SLX4IP: variants seen among roughly 807,000 people sequenced by gnomAD.
SLX4IP encodes SLX4 interacting protein.
SLX4IP carries 34 observed loss-of-function variants against 32.9 expected under a neutral mutation model. The ratio of observed to expected loss-of-function variants is 1.03; its 90% CI spans 0.79 to 1.38. The LOEUF (loss-of-function observed/expected upper bound fraction) is 1.38. Among genes scored for constraint, SLX4IP ranks in the 40% most tolerant of loss-of-function variants. The pLI is 0.00. For missense variants in SLX4IP, 444 were observed against 479.0 expected (o/e 0.93, Z 0.68); for synonymous variants, 172 against 171.7 (o/e 1.00, Z -0.01).
intron 6 of SLX4IP, among the ~76,000 whole-genome samples, chr20:10,612,491 A>G (rs1292976539): frequency 6.6e-6 from 1 of 152,180 alleles, no homozygotes; most frequent in Non-Finnish European, 1.5e-5. Context: ...CCCTAAGACT[A>G]TGTTTTGTAA....
intron 1 of SLX4IP, among the ~76,000 whole-genome samples, chr20:10,436,601 C>A (rs1013033869): frequency 6.6e-6 from 1 of 152,196 alleles, no homozygotes; most frequent in African/African-American, 2.4e-5. Context: ...GGTGATCCAC[C>A]CGCCTTGGCC....
chr20:10,457,105 G>A (rs2065291510), intron 1 of SLX4IP, among the ~76,000 whole-genome samples: 2 of 152,030 alleles, frequency 1.3e-5, no homozygotes, highest in Admixed American at 1.3e-4. Context: ...AATTCTAGTA[G>A]TTTTTTGATG....
At chr20:10,443,838 AGT>A (rs2065178142) in intron 1 of SLX4IP, among the ~76,000 whole-genome samples, 1 of 152,114 alleles carries the variant, frequency 6.6e-6, no homozygotes, top group Non-Finnish European at 1.5e-5. Flanking sequence ...GTTGTTTAAA[AGT>A]GTATAGTACC....
intron 2 of SLX4IP, among the ~76,000 whole-genome samples, chr20:10,482,188 G>C (rs1363728245): frequency 6.6e-6 from 1 of 152,070 alleles, no homozygotes; most frequent in Non-Finnish European, 1.5e-5. Context: ...TAAAACTTTG[G>C]GTTCTCGATT....
Position 10,598,673 on chromosome 20 carries a change from A to T in SLX4IP, c.239-2A>T. ...TTAGTGATGTTCCCTTTCACTTTCC[A>T]GGTTATGGCTTTCAAATCACAGCCT... On this transcript the variant is annotated splice_acceptor_variant, in intron 4 of 7. Coordinates refer to ENST00000334534, the MANE Select transcript of SLX4IP (RefSeq NM_001009608.3). LOFTEE classifies it high-confidence loss of function. 2.5e-6 allele frequency: 4 copies of T among 1,614,030 alleles called. No individual in the cohort carries two copies. The highest frequency in any genetic ancestry group is 3.4e-6 in the Non-Finnish European group (4 of 1,179,894).
intron 6 of SLX4IP, among the ~76,000 whole-genome samples, chr20:10,615,161 A>C (rs753346293): frequency 1.3e-5 from 2 of 152,118 alleles, no homozygotes; most frequent in African/African-American, 4.8e-5. Flanking sequence ...GTCTGCCTTC[A>C]TACTGGAGAA....
rs1200433608 is a variant in SLX4IP at position 10,435,393 on chromosome 20, A to T, written c.-90A>T. On this transcript the variant is annotated 5_prime_UTR_variant, in exon 1 of 8. Transcript: ENST00000334534. ...TTCCACAGCCAGGTACTACTCCGCC[A>T]GTGACCCTGGACAGTAACAAAACAT... 2.6e-5 allele frequency: 4 copies of T among 152,272 alleles called. No homozygotes were observed. Among genetic ancestry groups the T allele is most frequent in the Admixed American group, 2.6e-4 (4 of 15,274 alleles). 9.4% of individuals were successfully genotyped at this position (152,272 alleles called of 1,614,324 possible). A position where few individuals can be genotyped will look rare whatever the true frequency, so the allele number is the denominator to read the frequency against.
chr20:10,510,329 G>T (rs1216458955), intron 2 of SLX4IP, among the ~76,000 whole-genome samples: 2 of 152,138 alleles, frequency 1.3e-5, no homozygotes, highest in Non-Finnish European at 2.9e-5. Context: ...CTGAACAAAT[G>T]ATCCCCAAGC....
chr20:10,586,157 C>CT (rs1315552481), intron 4 of SLX4IP, among the ~76,000 whole-genome samples: 1 of 152,146 alleles, frequency 6.6e-6, no homozygotes, highest in Non-Finnish European at 1.5e-5. Flanking sequence ...AGTCCTATGG[C>CT]TACTGATGAT....
chr20:10,530,607 A>C (rs538924822), intron 2 of SLX4IP, among the ~76,000 whole-genome samples: 8 of 152,362 alleles, frequency 5.3e-5, no homozygotes, highest in Non-Finnish European at 1.0e-4. Flanking sequence ...AGTTTTGATT[A>C]AAATGGGAAT....
At chr20:10,509,538 G>A (rs911076434) in intron 2 of SLX4IP, among the ~76,000 whole-genome samples, 2 of 152,154 alleles carry the variant, frequency 1.3e-5, no homozygotes, top group Non-Finnish European at 2.9e-5. Context: ...GTAGGATATC[G>A]CCTTGATACA....
chr20:10,526,679 G>A (rs2065942822), intron 2 of SLX4IP, among the ~76,000 whole-genome samples: 1 of 152,110 alleles, frequency 6.6e-6, no homozygotes, highest in Non-Finnish European at 1.5e-5. Flanking sequence ...GGCTGGGCAC[G>A]GTGGCTCATG....
At position 10,456,591 on chromosome 20, in the gene SLX4IP, C is replaced by T. The variant is rs6108585; in HGVS notation, c.-29-1585C>T. Among the ~76,000 whole-genome samples the T allele has an allele frequency of 8.7e-3, 1,318 of 152,302 alleles. 24 individuals are homozygous for T. Among genetic ancestry groups the T allele is most frequent in the African/African-American group, 0.03 (1,248 of 41,554 alleles). On this transcript the variant is annotated intron_variant, in intron 1 of 7. Transcript: ENST00000334534. ...TCCTGACCTCGTGATCTACCCGCCT[C>T]GGCCTCCCAAAGTGCTGAGATTAAC...
intron 6 of SLX4IP, among the ~76,000 whole-genome samples, chr20:10,616,434 A>G (rs2067032318): frequency 6.7e-6 from 1 of 149,848 alleles, no homozygotes; most frequent in Admixed American, 6.6e-5. Context: ...AAATAAATAA[A>G]ATGTCAAGTC....
chr20:10,484,150 C>T (rs1333802260), intron 2 of SLX4IP, among the ~76,000 whole-genome samples: 1 of 152,088 alleles, frequency 6.6e-6, no homozygotes, highest in Non-Finnish European at 1.5e-5. Context: ...GTGCTTTTCT[C>T]TCGTTAATTT....
At chr20:10,459,194 T>A (rs1258900644) in intron 2 of SLX4IP, among the ~76,000 whole-genome samples, 1 of 152,248 alleles carries the variant, frequency 6.6e-6, no homozygotes, top group Non-Finnish European at 1.5e-5. Context: ...CTTTGCCTAC[T>A]TTTTAATGGC....
At chr20:10,518,549 C>CCTTT (rs1555811136) in intron 2 of SLX4IP, among the ~76,000 whole-genome samples, 4,335 of 52,670 alleles carry the variant, frequency 0.082, 1,065 homozygotes, top group Admixed American at 0.13. Flanking sequence ...TTCCTTCCTT[C>CCTTT]CTTTCCTTCT....
At chr20:10,445,624 G>T (rs891723131) in intron 1 of SLX4IP, among the ~76,000 whole-genome samples, 1 of 138,470 alleles carries the variant, frequency 7.2e-6, no homozygotes, top group East Asian at 2.2e-4. Context: ...CGATGAGATT[G>T]CCCTTTTTTT....
intron 2 of SLX4IP, among the ~76,000 whole-genome samples, chr20:10,523,580 G>T (rs992824295): frequency 3.9e-5 from 6 of 152,194 alleles, no homozygotes; most frequent in Admixed American, 3.3e-4. Context: ...TCTAAAATGA[G>T]ACTGTAAGCA....
Sources: allele counts gnomAD v4.1 joint callset (sites outside exome capture counted in the v4.1 genomes callset), GRCh38; gene constraint gnomAD v4.1.1; transcripts MANE v1.5; gene names NCBI Gene and HGNC (gene_info 2026-07-23, HGNC 2026-07-21).